The following PTPRM variants were observed in gnomAD, a reference collection of about 807,000 sequenced individuals.
PTPRM encodes the protein protein tyrosine phosphatase receptor type M.
A neutral mutation model predicts 186.7 loss-of-function variants in PTPRM; 47 were observed. That is an observed-to-expected ratio of 0.25 (90% CI 0.20 to 0.32). The LOEUF (loss-of-function observed/expected upper bound fraction) is 0.32, where lower values mean the gene tolerates loss of function less well. Ranked by LOEUF, PTPRM falls within the 10% of genes least tolerant of loss-of-function variation. PTPRM has a pLI of 1.00. For missense variants in PTPRM, 1,494 were observed against 1,865.0 expected (o/e 0.80, Z 3.66); for synonymous variants, 668 against 674.9 (o/e 0.99, Z 0.16).
intron 1 of PTPRM, among the ~76,000 whole-genome samples, chr18:7,639,010 A>G (rs2038382589): frequency 6.6e-6 from 1 of 152,176 alleles, no homozygotes. Flanking sequence ...GTAGTGTTTT[A>G]CCTTGTAAAT....
intron 5 of PTPRM, among the ~76,000 whole-genome samples, chr18:7,941,090 C>G (rs2052142909): frequency 6.6e-6 from 1 of 152,208 alleles, no homozygotes; most frequent in African/African-American, 2.4e-5. Context: ...TTTTACGTGC[C>G]TGTCCTTTTC....
At chr18:7,811,655 G>C (rs1056620914) in intron 2 of PTPRM, among the ~76,000 whole-genome samples, 2 of 152,090 alleles carry the variant, frequency 1.3e-5, no homozygotes, top group Non-Finnish European at 2.9e-5. Flanking sequence ...GTGAGCTACT[G>C]TGCCCAGCTG....
intron 14 of PTPRM, among the ~76,000 whole-genome samples, chr18:8,175,619 C>T (rs1014739083): frequency 6.6e-6 from 1 of 152,152 alleles, no homozygotes; most frequent in African/African-American, 2.4e-5. Context: ...TTTTTAAAGG[C>T]TTCACCTATG....
intron 1 of PTPRM, among the ~76,000 whole-genome samples, chr18:7,719,220 T>C (rs762762694): frequency 1.3e-5 from 2 of 152,102 alleles, no homozygotes; most frequent in Non-Finnish European, 2.9e-5. Context: ...AGCCATAAAA[T>C]GGAATGAAAT....
intron 4 of PTPRM, among the ~76,000 whole-genome samples, chr18:7,925,517 C>T (rs1384036092): frequency 1.3e-5 from 2 of 152,152 alleles, no homozygotes; most frequent in Admixed American, 1.3e-4. Context: ...TAATCTTTTG[C>T]TACCCAGTAG....
intron 1 of PTPRM, among the ~76,000 whole-genome samples, chr18:7,772,450 CTTCCTTCCTTCCTTCCTT>C (rs2042368335): frequency 3.7e-5 from 1 of 27,002 alleles, no homozygotes; most frequent in Non-Finnish European, 8.0e-5. Flanking sequence ...CTTCCCCTTC[CTTCCTTCCTTCCTTCCTT>C]CCTTCCTTCC....
At position 7,890,382 on chromosome 18, in the gene PTPRM, T is replaced by C. The variant is rs148576389; in HGVS notation, c.468+2005T>C. 3.8e-3 allele frequency among the ~76,000 whole-genome samples: 574 copies of C among 152,288 alleles called. 3 individuals carry two copies. The highest frequency in any genetic ancestry group is 0.013 in the African/African-American group (556 of 41,570). ...TTCTGCAGCTTTGGTGTTTATGAGT[T>C]AAGATCCATCAACCCCAATTTCTCT... On this transcript the variant is annotated intron_variant, in intron 3 of 32. Coordinates refer to ENST00000580170, the MANE Select transcript of PTPRM (RefSeq NM_001105244.2).
chr18:8,367,851 G>A (rs1248055768), intron 23 of PTPRM, among the ~76,000 whole-genome samples: 1 of 152,228 alleles, frequency 6.6e-6, no homozygotes, highest in Non-Finnish European at 1.5e-5. Context: ...AGGTTAAAGA[G>A]TCTAAATGGA....
chr18:8,096,471 G>C (rs1272562860), intron 11 of PTPRM, among the ~76,000 whole-genome samples: 2 of 152,190 alleles, frequency 1.3e-5, no homozygotes, highest in African/African-American at 2.4e-5. Context: ...GAAGGAGGGA[G>C]ACATTAAAGT....
intron 1 of PTPRM, among the ~76,000 whole-genome samples, chr18:7,673,033 G>A (rs1258785296): frequency 6.6e-6 from 1 of 152,324 alleles, no homozygotes. Flanking sequence ...GTGACATGAG[G>A]GGCTTCTTTC....
At chr18:7,774,387 T>C in intron 2 of PTPRM, 116 bp downstream of exon 2, 2 of 1,310,064 alleles carry the variant, frequency 1.5e-6, no homozygotes, top group Middle Eastern at 1.9e-4. Flanking sequence ...GATGTGGCAG[T>C]CAAAGTTGGA....
chr18:7,996,509 C>G (rs1419002366), intron 7 of PTPRM, among the ~76,000 whole-genome samples: 1 of 152,038 alleles, frequency 6.6e-6, no homozygotes, highest in African/African-American at 2.4e-5. Context: ...TCACCACTTT[C>G]ATTCAACATA....
intron 2 of PTPRM, among the ~76,000 whole-genome samples, chr18:7,845,182 A>G (rs1386120633): frequency 6.6e-6 from 1 of 152,202 alleles, no homozygotes; most frequent in Non-Finnish European, 1.5e-5. Flanking sequence ...TCTGGGAGGA[A>G]TTCATGATCT....
intron 14 of PTPRM, among the ~76,000 whole-genome samples, chr18:8,180,788 A>G (rs1416751359): frequency 2.0e-5 from 3 of 152,224 alleles, no homozygotes; most frequent in Non-Finnish European, 4.4e-5. Flanking sequence ...CTGAGATCTT[A>G]TTAGGAAGCT....
At position 7,985,281 on chromosome 18, in the gene PTPRM, A is replaced by G. The variant is rs1169471863; in HGVS notation, c.1132+29867A>G. Among the ~76,000 whole-genome samples, 27 of 83,800 alleles carry G rather than the reference A, an allele frequency of 3.2e-4. 2 individuals carry two copies. The highest frequency in any genetic ancestry group is 6.6e-4 in the Admixed American group (5 of 7,522). 55.0% of individuals were successfully genotyped at this position (83,800 alleles called of 152,430 possible). ...TAAATATATACATATAATAGTATAT[A>G]CACATAAATATATACATATAATAGT... On this transcript the variant is annotated intron_variant, in intron 7 of 32. Transcript: ENST00000580170.
chr18:8,123,804 C>T (rs920936815), intron 13 of PTPRM, among the ~76,000 whole-genome samples: 1 of 152,202 alleles, frequency 6.6e-6, no homozygotes, highest in Non-Finnish European at 1.5e-5. Context: ...TTCAGCAACT[C>T]TGACCACCCA....
chr18:7,567,864 C>G lies in PTPRM; in HGVS notation c.46C>G (p.Leu16Val). 1 of 1,562,614 alleles carries G rather than the reference C, an allele frequency of 6.4e-7. No homozygotes were observed. Among genetic ancestry groups the G allele is most frequent in the Non-Finnish European group, 8.6e-7 (1 of 1,158,188 alleles). Residue 16 changes from leucine (L) to valine (V), a missense_variant, in exon 1 of 33, where the codon CTA (leucine) becomes GTA (valine). Transcript: ENST00000580170. This position sits in a 1 kb window ranked among gnomAD's most constrained non-coding sequence, Gnocchi z 4.3. Reference protein sequence around the residue: ...TCLATLAGLLLTAAGETFSGG... With the variant: ...TCLATLAGLLVTAAGETFSGG... ...CCTGGCGACTTTGGCCGGACTTTTG[C>G]TAACTGCGGCGGGCGAGACGTTCTC...
chr18:7,740,378 G>A (rs978328987), intron 1 of PTPRM, among the ~76,000 whole-genome samples: 3 of 152,154 alleles, frequency 2.0e-5, no homozygotes, highest in African/African-American at 4.8e-5. Flanking sequence ...AAGTTGCCCC[G>A]AATATACACT....
chr18:8,220,986 G>A (rs929456337), intron 14 of PTPRM, among the ~76,000 whole-genome samples: 8 of 152,094 alleles, frequency 5.3e-5, no homozygotes, highest in African/African-American at 1.7e-4. Context: ...AACAAAATGA[G>A]AATAATCAGA....
Sources: gnomAD v4.1 joint callset for allele counts (sites outside exome capture counted in the v4.1 genomes callset) on GRCh38, gnomAD v4.1.1 for gene constraint, Gnocchi (gnomAD v3.1) non-coding constraint, MANE v1.5 for transcripts, NCBI Gene and HGNC (gene_info 2026-07-23, HGNC 2026-07-21) for gene names.